SUGCT: variants seen among roughly 807,000 people sequenced by gnomAD.
SUGCT encodes succinyl-CoA:glutarate CoA-transferase.
Under a neutral mutation model 55.0 loss-of-function variants are expected in SUGCT, and 41 were observed. That is an observed-to-expected ratio of 0.74 (90% CI 0.58 to 0.97). The LOEUF is 0.97. Among genes scored for constraint, SUGCT ranks in the 50% least tolerant of loss-of-function variants. The pLI, the probability that SUGCT is intolerant of heterozygous loss-of-function variation, is 0.00. For missense variants in SUGCT, 568 were observed against 547.8 expected (o/e 1.04, Z -0.37); for synonymous variants, 187 against 200.4 (o/e 0.93, Z 0.56).
At chr7:40,188,110 T>C (rs1785643673) in intron 3 of SUGCT, among the ~76,000 whole-genome samples, 1 of 151,558 alleles carries the variant, frequency 6.6e-6, no homozygotes, top group African/African-American at 2.4e-5. Flanking sequence ...GTAGTACTAT[T>C]TTTATTTTTA....
At chr7:40,503,994 TG>T (rs1347468674) in intron 12 of SUGCT, among the ~76,000 whole-genome samples, 1 of 152,154 alleles carries the variant, frequency 6.6e-6, no homozygotes, top group Non-Finnish European at 1.5e-5. Flanking sequence ...AGACATAAGA[TG>T]CCACTTTGTA....
chr7:40,628,265 T>A (rs1165345981), intron 12 of SUGCT, among the ~76,000 whole-genome samples: 1 of 152,208 alleles, frequency 6.6e-6, no homozygotes, highest in Non-Finnish European at 1.5e-5. Context: ...ACTGCAAATG[T>A]TTTGTTGTTT....
chr7:40,498,876 A>C (rs1369997476), intron 12 of SUGCT: 27 of 350,882 alleles, frequency 7.7e-5, no homozygotes, highest in South Asian at 4.3e-4. Context: ...TTAAGCTTGC[A>C]CTCTACTATC....
intron 6 of SUGCT, among the ~76,000 whole-genome samples, chr7:40,223,079 T>C (rs1291244151): frequency 3.3e-5 from 5 of 151,770 alleles, no homozygotes; most frequent in African/African-American, 9.7e-5. Context: ...TTCTTTCTTT[T>C]TGAGGTAGTC....
intron 3 of SUGCT, among the ~76,000 whole-genome samples, chr7:40,182,385 G>T (rs1361316383): frequency 6.6e-6 from 1 of 151,982 alleles, no homozygotes; most frequent in Non-Finnish European, 1.5e-5. Context: ...TGGCCAACAT[G>T]GTGAAACCTC....
intron 12 of SUGCT, among the ~76,000 whole-genome samples, chr7:40,618,696 A>G (rs189297709): frequency 1.0e-3 from 156 of 152,332 alleles, no homozygotes; most frequent in Middle Eastern, 6.8e-3. Context: ...ATAAGGCACT[A>G]TACATGATTA....
chr7:40,162,737 C>T (rs1479156561), intron 1 of SUGCT, among the ~76,000 whole-genome samples: 2 of 152,188 alleles, frequency 1.3e-5, no homozygotes, highest in Non-Finnish European at 2.9e-5. Context: ...ACACTCCCAC[C>T]TTGGCCTTCC....
intron 9 of SUGCT, among the ~76,000 whole-genome samples, chr7:40,418,503 T>A (rs764890011): frequency 5.3e-5 from 8 of 152,214 alleles, no homozygotes; most frequent in Non-Finnish European, 8.8e-5. Flanking sequence ...CTTTTCCCAA[T>A]ACCAAGTATT....
the SUGCT span, among the ~76,000 whole-genome samples, chr7:40,902,209 T>G: frequency 6.6e-6 from 1 of 152,072 alleles, no homozygotes; most frequent in Non-Finnish European, 1.5e-5. Flanking sequence ...GAAAAACTTG[T>G]GACTACACAA....
chr7:40,242,147 A>G (rs571890282), intron 7 of SUGCT, among the ~76,000 whole-genome samples: 42 of 151,382 alleles, frequency 2.8e-4, no homozygotes, highest in Non-Finnish European at 4.7e-4. Context: ...ACTTCCAGGT[A>G]TGTTTTGACA....
intron 12 of SUGCT, among the ~76,000 whole-genome samples, chr7:40,503,117 T>A (rs896334644): frequency 2.6e-5 from 4 of 152,078 alleles, no homozygotes; most frequent in African/African-American, 4.8e-5. Flanking sequence ...CTTGGTTTTT[T>A]TGAGGGAGTT....
the SUGCT span, among the ~76,000 whole-genome samples, chr7:41,013,893 G>T: frequency 0.014 from 2,200 of 152,058 alleles, 47 homozygotes; most frequent in African/African-American, 0.05. Context: ...TTAGTTCGAT[G>T]ATGTCAATTT....
intron 12 of SUGCT, among the ~76,000 whole-genome samples, chr7:40,595,326 C>G (rs1055641763): frequency 4.6e-5 from 7 of 152,160 alleles, no homozygotes; most frequent in Admixed American, 3.3e-4. Context: ...ATTTGTGGAG[C>G]CTTCAGGAAG....
rs151191678 is a variant in SUGCT, at chr7:40,704,498, C to G, written c.1090-44936C>G. Reference sequence around the variant, plus strand: ...GCAAGGAGTTCCAGCTAACAGGTGACCACAGGGGTAGAGGTCACATAGCAT... The same window carrying G: ...GCAAGGAGTTCCAGCTAACAGGTGAGCACAGGGGTAGAGGTCACATAGCAT... On this transcript the variant is annotated intron_variant, in intron 12 of 13. Coordinates refer to ENST00000335693, the MANE Select transcript of SUGCT (RefSeq NM_001193313.2). 1.2e-4 allele frequency among the ~76,000 whole-genome samples: 19 copies of G among 152,118 alleles called. No individual in the cohort carries two copies. The East Asian group carries it at 3.5e-3, about 28-fold the overall frequency.
intron 12 of SUGCT, among the ~76,000 whole-genome samples, chr7:40,695,130 C>T (rs901058512): frequency 6.6e-6 from 1 of 151,732 alleles, no homozygotes; most frequent in Non-Finnish European, 1.5e-5. Context: ...CCATTTTAAT[C>T]ATTTATTTCA....
At chr7:40,324,774 T>C (rs936371566) in intron 9 of SUGCT, among the ~76,000 whole-genome samples, 2 of 152,156 alleles carry the variant, frequency 1.3e-5, no homozygotes, top group Non-Finnish European at 2.9e-5. Flanking sequence ...TGGTATGCAA[T>C]AGCTAGGGGT....
intron 2 of SUGCT, among the ~76,000 whole-genome samples, chr7:40,181,605 G>A (rs1584271880): frequency 6.6e-6 from 1 of 152,112 alleles, no homozygotes; most frequent in East Asian, 1.9e-4. Context: ...AATTAGCCAG[G>A]CGTGGTGGTG....
intron 9 of SUGCT, among the ~76,000 whole-genome samples, chr7:40,428,267 A>C (rs1352819956): frequency 1.3e-5 from 2 of 152,120 alleles, no homozygotes; most frequent in Non-Finnish European, 2.9e-5. Context: ...TGTGTCCTTA[A>C]ATTTAAAATG....
intron 12 of SUGCT, among the ~76,000 whole-genome samples, chr7:40,724,788 T>G (rs967300921): frequency 1.3e-5 from 2 of 151,776 alleles, no homozygotes; most frequent in Non-Finnish European, 2.9e-5. Flanking sequence ...AAGCTAAATT[T>G]CTGTGGGAAC....
Sources: gnomAD v4.1 joint callset for allele counts (sites outside exome capture counted in the v4.1 genomes callset) on GRCh38, gnomAD v4.1.1 for gene constraint, MANE v1.5 for transcripts, NCBI Gene and HGNC (gene_info 2026-07-23, HGNC 2026-07-21) for gene names.